The following PLPP1 variants were observed in gnomAD, a reference collection of about 807,000 sequenced individuals.
PLPP1 encodes the protein phospholipid phosphatase 1, also known as lipid phosphate phosphohydrolase 1a.
A neutral mutation model predicts 31.2 loss-of-function variants in PLPP1; 24 were observed. The observed-to-expected ratio is 0.77, with a 90% CI of 0.56 to 1.08. The LOEUF is 1.08. Ranked by LOEUF, PLPP1 falls within the 50% of genes least tolerant of loss-of-function variation. PLPP1 has a pLI of 0.00. For missense variants in PLPP1, 319 were observed against 342.7 expected (o/e 0.93, Z 0.55); for synonymous variants, 146 against 126.3 (o/e 1.16, Z -1.05).
At chr5:55,504,038 G>A (rs1753208028) in intron 1 of PLPP1, among the ~76,000 whole-genome samples, 1 of 152,128 alleles carries the variant, frequency 6.6e-6, no homozygotes, top group South Asian at 2.1e-4. Context: ...ACTTTGAGAG[G>A]TGGGTGGATT....
At chr5:55,454,819 G>A (rs537701762) in intron 3 of PLPP1, among the ~76,000 whole-genome samples, 1 of 152,266 alleles carries the variant, frequency 6.6e-6, no homozygotes, top group East Asian at 1.9e-4. Context: ...AGAAATACAA[G>A]CCTTAACAAA....
In PLPP1 at chr5:55,519,236, T is replaced by C. The variant is rs150859526; in HGVS notation, c.58+15336A>G. The stretch of plus-strand genomic sequence containing the variant: ...CCATAACCTGCCTAACAAGTTTTGA[T>C]AACATCACAATTTAAGAAACCTTTT... On this transcript the variant is annotated intron_variant, in intron 1 of 5. Transcript: ENST00000307259. Among the ~76,000 whole-genome samples, 480 of 152,332 alleles carry C rather than the reference T, an allele frequency of 3.2e-3. 4 individuals carry two copies. The Middle Eastern group carries it at 0.041, about 13-fold the overall frequency.
chr5:55,431,031 TAAG>T (rs780431744), intron 4 of PLPP1, among the ~76,000 whole-genome samples: 1 of 152,014 alleles, frequency 6.6e-6, no homozygotes. Flanking sequence ...CAGACAAAAA[TAAG>T]AAAGAATGAG....
intron 3 of PLPP1, among the ~76,000 whole-genome samples, chr5:55,447,903 C>G (rs1751802803): frequency 6.6e-6 from 1 of 151,916 alleles, no homozygotes; most frequent in Non-Finnish European, 1.5e-5. Context: ...TTTGTACACT[C>G]TAAATGCAAA....
intron 1 of PLPP1, among the ~76,000 whole-genome samples, chr5:55,494,048 A>G (rs545147531): frequency 6.6e-6 from 1 of 152,152 alleles, no homozygotes; most frequent in Non-Finnish European, 1.5e-5. Flanking sequence ...CCAACTCCAA[A>G]GAAAGAAAAA....
intron 1 of PLPP1, among the ~76,000 whole-genome samples, chr5:55,495,858 TTTTG>T (rs1752993771): frequency 6.6e-6 from 1 of 152,012 alleles, no homozygotes; most frequent in Non-Finnish European, 1.5e-5. Context: ...TTTGTTTTGT[TTTTG>T]TTTTTGTTTT....
chr5:55,494,731 C>A (rs10079783), intron 1 of PLPP1, among the ~76,000 whole-genome samples: 119,393 of 151,962 alleles, frequency 0.79, 47,831 homozygotes, highest in Middle Eastern at 0.88. Flanking sequence ...GTCTATCACG[C>A]TGTACTTTAA....
chr5:55,441,313 G>A (rs909005464), intron 4 of PLPP1, among the ~76,000 whole-genome samples: 1 of 152,240 alleles, frequency 6.6e-6, no homozygotes, highest in Non-Finnish European at 1.5e-5. Flanking sequence ...GGACCTGGAA[G>A]TTGTATAGAT....
intron 1 of PLPP1, among the ~76,000 whole-genome samples, chr5:55,511,179 T>C (rs1006548564): frequency 1.3e-5 from 2 of 152,246 alleles, no homozygotes; most frequent in Admixed American, 6.5e-5. Flanking sequence ...TCTGTCCACC[T>C]GATCTGATCT....
intron 1 of PLPP1, among the ~76,000 whole-genome samples, chr5:55,482,949 A>C (rs1418405649): frequency 2.6e-5 from 4 of 152,150 alleles, no homozygotes; most frequent in Non-Finnish European, 5.9e-5. Context: ...CAATGTACCA[A>C]AAACAAAGAA....
At chr5:55,512,149 G>T (rs943499813) in intron 1 of PLPP1, among the ~76,000 whole-genome samples, 8 of 151,650 alleles carry the variant, frequency 5.3e-5, no homozygotes, top group Non-Finnish European at 1.2e-4. Flanking sequence ...AGGAAAAAAA[G>T]AAACTTCAGG....
intron 4 of PLPP1, among the ~76,000 whole-genome samples, chr5:55,434,055 G>A (rs1019302505): frequency 6.6e-5 from 10 of 151,312 alleles, no homozygotes; most frequent in African/African-American, 2.4e-4. Context: ...CTTGAACTTA[G>A]GAGGTGGAGG....
chr5:55,483,504 T>G (rs1752712873), intron 1 of PLPP1, among the ~76,000 whole-genome samples: 1 of 151,982 alleles, frequency 6.6e-6, no homozygotes, highest in Admixed American at 6.6e-5. Flanking sequence ...AAACTCCGTC[T>G]CTATTAAAAA....
intron 4 of PLPP1, among the ~76,000 whole-genome samples, chr5:55,436,071 A>G (rs1751487216): frequency 6.6e-6 from 1 of 151,950 alleles, no homozygotes; most frequent in African/African-American, 2.4e-5. Flanking sequence ...GATTCATACA[A>G]GCAATTTCCT....
At position 55,425,277 on chromosome 5, in the gene PLPP1, C is replaced by T. The variant is rs201423535; in HGVS notation, c.784G>A (p.Glu262Lys). ...TCATGCAGAGTTGTATGAGAGTCCT[C>T]CTCTTTTCTTTCTTTAAAAGAAGTT... ...ERTSFKERKE[E>K]DSHTTLHETP... The change falls in exon 6 of 6, where the codon GAG becomes AAG. Residue 262 changes from glutamate to lysine, a missense_variant. Physicochemically the swap from Glu to Lys is moderately conservative, Grantham distance 56. Coordinates refer to ENST00000307259, the MANE Select transcript of PLPP1 (RefSeq NM_003711.4). 18 of 1,612,044 alleles carry T rather than the reference C, an allele frequency of 1.1e-5. No homozygotes were observed. Among genetic ancestry groups the T allele is most frequent in the Non-Finnish European group, 5.9e-6 (7 of 1,178,324 alleles).
intron 1 of PLPP1, among the ~76,000 whole-genome samples, chr5:55,526,284 G>T (rs902905913): frequency 6.6e-6 from 1 of 152,096 alleles, no homozygotes; most frequent in Admixed American, 6.5e-5. Context: ...TATAAAGGAA[G>T]AATTTACATT....
At chr5:55,466,465 AC>A (rs1752297206) in intron 3 of PLPP1, among the ~76,000 whole-genome samples, 1 of 152,152 alleles carries the variant, frequency 6.6e-6, no homozygotes, top group South Asian at 2.1e-4. Context: ...CACTCTGGGA[AC>A]CTGAGGCAGG....
intron 3 of PLPP1, among the ~76,000 whole-genome samples, chr5:55,457,509 G>A (rs1390554055): frequency 6.6e-6 from 1 of 152,168 alleles, no homozygotes; most frequent in Non-Finnish European, 1.5e-5. Context: ...GCTTGTGCAA[G>A]AAACAAAAAT....
intron 1 of PLPP1, chr5:55,530,499 T>C: frequency 2.5e-6 from 3 of 1,209,576 alleles, no homozygotes; most frequent in Non-Finnish European, 2.5e-6. Flanking sequence ...TTCACTCCTA[T>C]TGCTGTTCCC....
Sources: allele counts gnomAD v4.1 joint callset (sites outside exome capture counted in the v4.1 genomes callset), GRCh38; gene constraint gnomAD v4.1.1; transcripts MANE v1.5; gene names NCBI Gene and HGNC (gene_info 2026-07-23, HGNC 2026-07-21).